CNKSR3: variants seen among roughly 807,000 people sequenced by gnomAD.
CNKSR3 encodes the protein connector enhancer of kinase suppressor of ras 3.
Under a neutral mutation model 67.7 loss-of-function variants are expected in CNKSR3, and 36 were observed. That is an observed-to-expected ratio of 0.53 (90% CI 0.41 to 0.70). The LOEUF is 0.70. CNKSR3 is among the 30% of genes least tolerant of loss of function. The pLI is 0.00. For synonymous variants in CNKSR3, 281 were observed against 271.4 expected, an observed-to-expected ratio of 1.04 and a Z score of -0.35; for missense variants, 630 against 695.2, an observed-to-expected ratio of 0.91 and a Z score of 1.05.
chr6:154,476,026 A>T (rs897257411), intron 1 of CNKSR3, among the ~76,000 whole-genome samples: 2 of 147,968 alleles, frequency 1.4e-5, no homozygotes, highest in East Asian at 2.0e-4. Context: ...TAATAATATC[A>T]TTTTTTTTTT....
intron 1 of CNKSR3, among the ~76,000 whole-genome samples, chr6:154,460,711 C>A (rs1210773233): frequency 6.6e-6 from 1 of 152,188 alleles, no homozygotes; most frequent in African/African-American, 2.4e-5. Context: ...TTGCCAAAAC[C>A]GTAAATTCGA....
intron 1 of CNKSR3, among the ~76,000 whole-genome samples, chr6:154,502,669 G>T (rs1391392580): frequency 6.6e-6 from 1 of 152,210 alleles, no homozygotes; most frequent in Non-Finnish European, 1.5e-5. Flanking sequence ...CTGCTCATCT[G>T]CAGTGGAAAC....
chr6:154,505,493 ATTATTT>A (rs1447946303), intron 1 of CNKSR3, among the ~76,000 whole-genome samples: 1 of 124,878 alleles, frequency 8.0e-6, no homozygotes, highest in Non-Finnish European at 1.7e-5. Flanking sequence ...TATTATTATT[ATTATTT>A]TTTTTTTTTT....
rs1209468806 is a variant in CNKSR3 at position 154,510,374 on chromosome 6, C to G, written c.-260G>C. ...GCCGCCGGGATCCCGGGCACAGCTG[C>G]TGCTCCCGAGCGACGGCAGCTGCAG... On this transcript the variant is annotated 5_prime_UTR_variant, in exon 1 of 13. Coordinates refer to ENST00000607772, the MANE Select transcript of CNKSR3 (RefSeq NM_173515.4). 1.9e-6 allele frequency: 1 copy of G among 525,338 alleles called. No homozygotes were observed. 32.5% of individuals were successfully genotyped at this position (525,338 alleles called of 1,614,324 possible). A position where few individuals can be genotyped will look rare whatever the true frequency, so the allele number is the denominator to read the frequency against.
intron 7 of CNKSR3, among the ~76,000 whole-genome samples, chr6:154,425,130 T>C (rs534071591): frequency 2.0e-5 from 3 of 152,368 alleles, no homozygotes; most frequent in Non-Finnish European, 4.4e-5. Context: ...TTTTTGTCCC[T>C]GTGTGCCAGA....
intron 1 of CNKSR3, among the ~76,000 whole-genome samples, chr6:154,476,389 G>A (rs9479876): frequency 0.025 from 3,858 of 151,588 alleles, 175 homozygotes; most frequent in African/African-American, 0.088. Flanking sequence ...CCCAGGAGGC[G>A]GAGGTTGCGG....
chr6:154,494,531 A>G (rs6933754), intron 1 of CNKSR3, among the ~76,000 whole-genome samples: 58,259 of 152,072 alleles, frequency 0.38, 11,289 homozygotes, highest in African/African-American at 0.44. Context: ...AGAAAGGTAA[A>G]TATAAGAAAA....
At chr6:154,427,751 T>C (rs11965171) in intron 7 of CNKSR3, among the ~76,000 whole-genome samples, 7,041 of 152,222 alleles carry the variant, frequency 0.046, 410 homozygotes, top group African/African-American at 0.13. Flanking sequence ...AAAAATTCCA[T>C]TAAATAAAAA....
At chr6:154,430,738 T>G (rs748515913) in intron 5 of CNKSR3, 147 bp from the exon 6 acceptor site, 13 of 718,166 alleles carry the variant, frequency 1.8e-5, no homozygotes, top group African/African-American at 5.4e-5. Context: ...ATGCATGGCA[T>G]TTAGACTCCA....
In CNKSR3 at chr6:154,403,277, G is replaced by C. The variant is rs185272264; in HGVS notation, c.*3077C>G. On this transcript the variant is annotated 3_prime_UTR_variant, in exon 13 of 13. Coordinates refer to ENST00000607772, the MANE Select transcript of CNKSR3 (RefSeq NM_173515.4). ...ACAAAAATTAGCCAGGTGTGGTGGC[G>C]GGCACCTGTAATCCCAGCTACTTGG... is the stretch of plus-strand genomic sequence containing the variant. 6.6e-6 allele frequency: 1 copy of C among 152,080 alleles called. No homozygotes were observed. The highest frequency in any genetic ancestry group is 1.5e-5 in the Non-Finnish European group (1 of 68,002). 9.4% of individuals were successfully genotyped at this position (152,080 alleles called of 1,614,324 possible).
intron 5 of CNKSR3, among the ~76,000 whole-genome samples, chr6:154,431,321 G>A (rs1018688364): frequency 6.6e-6 from 1 of 151,620 alleles, no homozygotes; most frequent in African/African-American, 2.4e-5. Context: ...GCGTGTGCCT[G>A]TAACCCCAGC....
rs1786286292 is a variant in CNKSR3 at position 154,469,938 on chromosome 6, A to AT, written c.53-19681dup. ...GCATTCATGACATACCTTTTTCTTAATTTTTTCTGATATTTTGAGACTACA... is the reference window on the plus strand; with the variant it reads ...GCATTCATGACATACCTTTTTCTTAATTTTTTTCTGATATTTTGAGACTACA... On this transcript the variant is annotated intron_variant, in intron 1 of 12. Coordinates refer to ENST00000607772, the MANE Select transcript of CNKSR3 (RefSeq NM_173515.4). Among the ~76,000 whole-genome samples the AT allele has an allele frequency of 2.0e-5, 3 of 151,888 alleles. No homozygotes were observed. The East Asian group carries it at 5.8e-4, about 29-fold the overall frequency.
chr6:154,448,909 G>T (rs1284546239), intron 2 of CNKSR3, among the ~76,000 whole-genome samples: 7 of 152,172 alleles, frequency 4.6e-5, no homozygotes, highest in Non-Finnish European at 1.0e-4. Context: ...CCTGGCTGGG[G>T]TTCAGGGCAT....
chr6:154,410,883 G>A (rs757451009), intron 11 of CNKSR3, 51 bp downstream of exon 11: 1 of 1,425,568 alleles, frequency 7.0e-7, no homozygotes, highest in South Asian at 1.3e-5. Context: ...CAGGGGGCGG[G>A]GAGGAGAAGT....
rs561372393 is a variant in CNKSR3, at chr6:154,391,139, C to G, written c.*15215G>C. The G allele has an allele frequency of 6.6e-6, 1 of 152,204 alleles. No individual in the cohort carries two copies. The highest frequency in any genetic ancestry group is 6.5e-5 in the Admixed American group (1 of 15,272). The allele number at this position is 152,204 out of a possible 1,614,324, so 9.4% of individuals were successfully genotyped here. A position where few individuals can be genotyped will look rare whatever the true frequency, so the allele number is the denominator to read the frequency against. ...TTTAGTGTGTAGCTGGTTTTCTTCT[C>G]CCCGACTTCACATGGTCTTTCCTCC... On this transcript the variant is annotated 3_prime_UTR_variant, in exon 13 of 13. Transcript: ENST00000607772.
intron 4 of CNKSR3, 136 bp downstream of exon 4, chr6:154,441,156 C>A: frequency 1.7e-6 from 1 of 592,172 alleles, no homozygotes. Context: ...TCATCTCTTC[C>A]CAGCTCTGAT....
chr6:154,468,378 C>G (rs182317580), intron 1 of CNKSR3, among the ~76,000 whole-genome samples: 1 of 138,954 alleles, frequency 7.2e-6, no homozygotes, highest in African/African-American at 2.7e-5. Flanking sequence ...CTGCACCCAG[C>G]CCATATATAT....
Position 154,391,455 on chromosome 6 carries a change from A to G in CNKSR3, c.*14899T>C, listed in dbSNP as rs13218801. ...TCATCGTGTTAGCCAGGATAGTCTCAATCTCCTGACCTCATGATCCGCCTG... is the reference window on the plus strand; with the variant it reads ...TCATCGTGTTAGCCAGGATAGTCTCGATCTCCTGACCTCATGATCCGCCTG... On this transcript the variant is annotated 3_prime_UTR_variant, in exon 13 of 13. Transcript: ENST00000607772. 48,260 of 151,926 alleles carry G rather than the reference A, an allele frequency of 0.32. 7,975 individuals are homozygous for G. The highest frequency in any genetic ancestry group is 0.51 in the East Asian group (2,606 of 5,110). The allele number at this position is 151,926 out of a possible 1,614,324, so 9.4% of individuals were successfully genotyped here.
In CNKSR3 at chr6:154,409,869, C is replaced by T. The variant is rs1432318743; in HGVS notation, c.1369+474G>A. The stretch of plus-strand genomic sequence containing the variant: ...GACCAGCCTGGACAACATATTGAGA[C>T]TCTGTCTCTACCAAAAAAAAAAAAA... On this transcript the variant is annotated intron_variant, in intron 12 of 12. Coordinates refer to ENST00000607772, the MANE Select transcript of CNKSR3 (RefSeq NM_173515.4). Among the ~76,000 whole-genome samples, 3 of 131,048 alleles carry T rather than the reference C, an allele frequency of 2.3e-5. No individual in the cohort carries two copies. In the East Asian group the frequency reaches 7.0e-4, roughly 30 times the overall value. The allele number at this position is 131,048 out of a possible 152,430, so 86.0% of individuals were successfully genotyped here.
Sources: allele counts gnomAD v4.1 joint callset (sites outside exome capture counted in the v4.1 genomes callset), GRCh38; gene constraint gnomAD v4.1.1; transcripts MANE v1.5; gene names NCBI Gene and HGNC (gene_info 2026-07-23, HGNC 2026-07-21).